The following NCKAP5 variants were observed in gnomAD, a reference collection of about 807,000 sequenced individuals.
NCKAP5 encodes NCK associated protein 5, also known as nck-associated protein 5.
A neutral mutation model predicts 167.0 loss-of-function variants in NCKAP5; 92 were observed. The ratio of observed to expected loss-of-function variants is 0.55; its 90% CI spans 0.47 to 0.66. NCKAP5 has a LOEUF of 0.66. NCKAP5 is among the 30% of genes least tolerant of loss of function. The pLI, the probability that NCKAP5 is intolerant of heterozygous loss-of-function variation, is 0.00. For missense variants in NCKAP5, 2,378 were observed against 2,315.0 expected (o/e 1.03, Z -0.56); for synonymous variants, 891 against 877.4 (o/e 1.02, Z -0.27).
At chr2:133,546,030 A>G (rs1403909028) in intron 2 of NCKAP5, among the ~76,000 whole-genome samples, 3 of 152,176 alleles carry the variant, frequency 2.0e-5, no homozygotes, top group African/African-American at 7.2e-5. Flanking sequence ...TCTAACTGAA[A>G]GGGCAAAACC....
At chr2:133,474,952 A>T (rs1329207285) in intron 3 of NCKAP5, among the ~76,000 whole-genome samples, 1 of 152,168 alleles carries the variant, frequency 6.6e-6, no homozygotes, top group Admixed American at 6.5e-5. Context: ...CTGGAATTAC[A>T]GGTGCGTGCC....
At chr2:133,099,865 G>A (rs2081451672) in intron 6 of NCKAP5, among the ~76,000 whole-genome samples, 1 of 152,192 alleles carries the variant, frequency 6.6e-6, no homozygotes, top group Admixed American at 6.5e-5. Flanking sequence ...TGCACATAAA[G>A]TTAAGCTGAA....
At position 132,673,006 on chromosome 2, in the gene NCKAP5, TAAGGGAAGAGA is replaced by T; in HGVS notation, c.*272_*282del. The T allele has an allele frequency of 1.1e-5, 10 of 940,130 alleles. No homozygotes were observed. Among genetic ancestry groups the T allele is most frequent in the Middle Eastern group, 5.7e-4 (1 of 1,752 alleles). 58.2% of individuals were successfully genotyped at this position (940,130 alleles called of 1,614,324 possible). Reference sequence around the variant, plus strand: ...CTTAAGCGCTCCAGTCCCAGCTCACTAAGGGAAGAGATGTCCTTTATACATCATTTGAACCT... The same window carrying T: ...CTTAAGCGCTCCAGTCCCAGCTCACTTGTCCTTTATACATCATTTGAACCT... On this transcript the variant is annotated 3_prime_UTR_variant, in exon 20 of 20. Coordinates refer to ENST00000409261, the MANE Select transcript of NCKAP5 (RefSeq NM_207363.3).
chr2:133,236,260 GA>G (rs749226381), intron 4 of NCKAP5, among the ~76,000 whole-genome samples: 6 of 152,196 alleles, frequency 3.9e-5, no homozygotes, highest in Admixed American at 6.5e-5. Context: ...GTTATGCACT[GA>G]TCAGCTAAAA....
intron 5 of NCKAP5, among the ~76,000 whole-genome samples, chr2:133,189,923 G>C (rs1047454225): frequency 1.3e-5 from 2 of 152,086 alleles, no homozygotes; most frequent in Non-Finnish European, 2.9e-5. Flanking sequence ...GTTCTGGCCA[G>C]GGCAATCAGG....
chr2:133,475,366 T>G (rs1360845194), intron 3 of NCKAP5, among the ~76,000 whole-genome samples: 4 of 152,200 alleles, frequency 2.6e-5, no homozygotes, highest in African/African-American at 9.6e-5. Flanking sequence ...ACACTGTCCT[T>G]TCTGTTCTTA....
intron 19 of NCKAP5, among the ~76,000 whole-genome samples, chr2:132,702,821 A>T (rs1688006775): frequency 6.6e-6 from 1 of 152,152 alleles, no homozygotes; most frequent in Non-Finnish European, 1.5e-5. Context: ...CGGGGTAGGA[A>T]TCTCTGACTT....
chr2:132,798,013 C>T (rs1684739603), intron 11 of NCKAP5, among the ~76,000 whole-genome samples: 1 of 152,088 alleles, frequency 6.6e-6, no homozygotes, highest in Admixed American at 6.5e-5. Context: ...GGCCAGTTCT[C>T]CTTCTCAGTG....
Position 133,039,125 on chromosome 2 carries a change from C to T in NCKAP5, c.342-44886G>A, listed in dbSNP as rs375435163. 3.9e-5 allele frequency among the ~76,000 whole-genome samples: 6 copies of T among 152,284 alleles called. No individual in the cohort carries two copies. The East Asian group carries it at 5.8e-4, about 15-fold the overall frequency. On this transcript the variant is annotated intron_variant, in intron 6 of 19. Coordinates refer to ENST00000409261, the MANE Select transcript of NCKAP5 (RefSeq NM_207363.3). Reference sequence around the variant, plus strand: ...GCGGCTCCAGCATAGGAGTCCTACCCACATCCTATTTACGAGGGCCAGAGG... The same window carrying T: ...GCGGCTCCAGCATAGGAGTCCTACCTACATCCTATTTACGAGGGCCAGAGG...
chr2:133,652,271 T>C, the NCKAP5 span, among the ~76,000 whole-genome samples: 9 of 152,328 alleles, frequency 5.9e-5, no homozygotes, highest in South Asian at 1.9e-3. Context: ...ATGTATTACT[T>C]ATTAAATATA....
chr2:133,060,734 A>C (rs2079970644), intron 6 of NCKAP5, among the ~76,000 whole-genome samples: 1 of 152,228 alleles, frequency 6.6e-6, no homozygotes, highest in African/African-American at 2.4e-5. Flanking sequence ...TTTGCCCAAG[A>C]GGTACACTGG....
At chr2:133,279,999 G>T (rs964855719) in intron 4 of NCKAP5, among the ~76,000 whole-genome samples, 3 of 152,094 alleles carry the variant, frequency 2.0e-5, no homozygotes, top group Non-Finnish European at 4.4e-5. Flanking sequence ...ACATCTTCTA[G>T]ATATTTTATT....
Position 132,860,524 on chromosome 2 carries a change from G to A in NCKAP5, c.775C>T (p.Arg259Ter), listed in dbSNP as rs868610799. Residue 259 changes from arginine (R) to a stop codon, truncating the protein, a stop_gained, in exon 11 of 20, where the codon CGA becomes TGA. Transcript: ENST00000409261. LOFTEE classifies it high-confidence loss of function. ...AGCAGATCAGAAGTGGGTCTGACTC[G>A]CTGTTGGAATAGGATGCTTAGTGTT... ...NRTLSILFQQRVRPTSDLLLQ... is the reference protein window; with the variant it reads ...NRTLSILFQQ 2 of 1,584,436 alleles carry A rather than the reference G, an allele frequency of 1.3e-6. No individual in the cohort carries two copies. Among genetic ancestry groups the A allele is most frequent in the African/African-American group, 1.3e-5 (1 of 74,522 alleles).
At chr2:133,603,057 G>C in the NCKAP5 span, among the ~76,000 whole-genome samples, 1 of 152,090 alleles carries the variant, frequency 6.6e-6, no homozygotes, top group African/African-American at 2.4e-5. Context: ...GTGAAGGGGA[G>C]GATCACCGAT....
At chr2:133,610,113 C>A in the NCKAP5 span, among the ~76,000 whole-genome samples, 5 of 152,170 alleles carry the variant, frequency 3.3e-5, no homozygotes, top group African/African-American at 1.2e-4. Context: ...GATTTTCTAT[C>A]CAGAACAGAA....
chr2:133,290,025 C>T (rs1403815646), intron 4 of NCKAP5, among the ~76,000 whole-genome samples: 1 of 152,174 alleles, frequency 6.6e-6, no homozygotes, highest in Non-Finnish European at 1.5e-5. Flanking sequence ...GCCCCTCCTC[C>T]AATTCTGGGG....
the NCKAP5 span, among the ~76,000 whole-genome samples, chr2:133,574,161 T>C: frequency 6.6e-6 from 1 of 152,144 alleles, no homozygotes; most frequent in African/African-American, 2.4e-5. Flanking sequence ...CCACTGACTT[T>C]CCCCTGTGTG....
intron 3 of NCKAP5, among the ~76,000 whole-genome samples, chr2:133,481,358 G>A (rs566602418): frequency 5.6e-4 from 86 of 152,302 alleles, no homozygotes; most frequent in Non-Finnish European, 1.1e-3. Flanking sequence ...TCTATAGGAT[G>A]TGTGATAAGA....
At chr2:132,853,575 G>T (rs921725991) in intron 11 of NCKAP5, among the ~76,000 whole-genome samples, 1 of 152,100 alleles carries the variant, frequency 6.6e-6, no homozygotes, top group African/African-American at 2.4e-5. Flanking sequence ...TCTAATTTTA[G>T]GAGGATATGA....
Sources: allele counts gnomAD v4.1 joint callset (sites outside exome capture counted in the v4.1 genomes callset), GRCh38; gene constraint gnomAD v4.1.1; transcripts MANE v1.5; gene names NCBI Gene and HGNC (gene_info 2026-07-23, HGNC 2026-07-21).